Variants in REDIC1 observed in about 807,000 individuals in gnomAD.
REDIC1 encodes regulator of DNA class I crossover intermediates 1.
the REDIC1 span, among the ~76,000 whole-genome samples, chr12:39,697,278 A>G: frequency 3.3e-5 from 5 of 152,262 alleles, no homozygotes; most frequent in East Asian, 9.6e-4. Flanking sequence ...ATCTCCCTCA[A>G]ACATGAAGTA....
At chr12:39,700,481 G>T in the REDIC1 span, among the ~76,000 whole-genome samples, 3 of 152,126 alleles carry the variant, frequency 2.0e-5, no homozygotes, top group African/African-American at 7.2e-5. Flanking sequence ...GAAAGTGATG[G>T]GGAGAATGGA....
At chr12:39,888,105 T>G in the REDIC1 span, among the ~76,000 whole-genome samples, 2 of 152,254 alleles carry the variant, frequency 1.3e-5, no homozygotes, top group Non-Finnish European at 2.9e-5. Context: ...ATCCATGTGC[T>G]TCTGGAGAAG....
chr12:39,801,645 A>C, the REDIC1 span, among the ~76,000 whole-genome samples: 1 of 152,248 alleles, frequency 6.6e-6, no homozygotes, highest in African/African-American at 2.4e-5. Flanking sequence ...AGAAGTCAGC[A>C]GACTTATTTT....
the REDIC1 span, among the ~76,000 whole-genome samples, chr12:39,711,145 G>C: frequency 6.6e-6 from 1 of 150,936 alleles, no homozygotes; most frequent in Admixed American, 6.6e-5. Flanking sequence ...CATACGGTTT[G>C]GTTTCCCATT....
the REDIC1 span, among the ~76,000 whole-genome samples, chr12:39,678,301 G>C: frequency 6.6e-6 from 1 of 151,874 alleles, no homozygotes; most frequent in Non-Finnish European, 1.5e-5. Context: ...CAAGGCTACT[G>C]TGAACACCTT....
the REDIC1 span, among the ~76,000 whole-genome samples, chr12:39,670,792 T>C: frequency 1.3e-5 from 2 of 152,042 alleles, no homozygotes; most frequent in East Asian, 1.9e-4. Context: ...GAAAGACCTA[T>C]CTTTAAGTTC....
the REDIC1 span, among the ~76,000 whole-genome samples, chr12:39,717,330 A>G: frequency 6.6e-6 from 1 of 151,898 alleles, no homozygotes; most frequent in Non-Finnish European, 1.5e-5. Flanking sequence ...TGATTAACAC[A>G]TATTTTGTAT....
At chr12:39,838,370 T>C in the REDIC1 span, among the ~76,000 whole-genome samples, 3 of 136,052 alleles carry the variant, frequency 2.2e-5, no homozygotes, top group Non-Finnish European at 4.7e-5. Flanking sequence ...AGGGATAGCA[T>C]TGGGAGATAT....
chr12:39,687,943 ACT>A, the REDIC1 span, among the ~76,000 whole-genome samples: 1 of 152,182 alleles, frequency 6.6e-6, no homozygotes, highest in Admixed American at 6.6e-5. Flanking sequence ...TTGAGGTCAC[ACT>A]CTCAAGCCAA....
the REDIC1 span, among the ~76,000 whole-genome samples, chr12:39,889,916 A>G: frequency 6.6e-6 from 1 of 152,172 alleles, no homozygotes; most frequent in African/African-American, 2.4e-5. Context: ...TTTACTGAAA[A>G]TAAATATAAT....
At chr12:39,812,342 CTTT>C in the REDIC1 span, among the ~76,000 whole-genome samples, 3 of 42,968 alleles carry the variant, frequency 7.0e-5, no homozygotes, top group Non-Finnish European at 1.2e-4. Flanking sequence ...TTTCTTTTTT[CTTT>C]TCTTTTCTTT....
At chr12:39,732,159 T>C in the REDIC1 span, among the ~76,000 whole-genome samples, 2 of 152,238 alleles carry the variant, frequency 1.3e-5, no homozygotes, top group Non-Finnish European at 1.5e-5. Context: ...AAATCTGATA[T>C]GTCTTTTAGA....
chr12:39,821,391 CAGAGCA>C, the REDIC1 span, among the ~76,000 whole-genome samples: 4 of 151,790 alleles, frequency 2.6e-5, no homozygotes, highest in East Asian at 7.8e-4. Flanking sequence ...GCCTGGGTAA[CAGAGCA>C]AGACTCCGTC....
the REDIC1 span, among the ~76,000 whole-genome samples, chr12:39,748,689 T>C: frequency 1.3e-5 from 2 of 152,134 alleles, no homozygotes; most frequent in African/African-American, 4.8e-5. Flanking sequence ...CCTCAGCAAA[T>C]GTAAAAGAAC....
chr12:39,865,900 GA>G, the REDIC1 span, among the ~76,000 whole-genome samples: 1,131 of 152,314 alleles, frequency 7.4e-3, 9 homozygotes, highest in African/African-American at 0.026. Context: ...GGAGAAAGGA[GA>G]AGATGAAAAA....
the REDIC1 span, among the ~76,000 whole-genome samples, chr12:39,850,578 A>C: frequency 1.2e-4 from 19 of 152,316 alleles, no homozygotes; most frequent in African/African-American, 4.6e-4. Context: ...GTTAACAATA[A>C]TTGTATCTGT....
the REDIC1 span, among the ~76,000 whole-genome samples, chr12:39,898,552 C>A: frequency 6.6e-6 from 1 of 152,112 alleles, no homozygotes; most frequent in African/African-American, 2.4e-5. Context: ...AAACACCAGG[C>A]AAAATAGCTG....
chr12:39,713,757 A>T, the REDIC1 span, among the ~76,000 whole-genome samples: 1 of 149,454 alleles, frequency 6.7e-6, no homozygotes, highest in Non-Finnish European at 1.5e-5. Context: ...ATACATGTAT[A>T]CACGTATATA....
At chr12:39,863,878 G>C in the REDIC1 span, among the ~76,000 whole-genome samples, 1 of 152,162 alleles carries the variant, frequency 6.6e-6, no homozygotes, top group African/African-American at 2.4e-5. Flanking sequence ...GGAGTTTAGG[G>C]TATAATGTTT....
Sources: allele counts gnomAD v4.1 joint callset (sites outside exome capture counted in the v4.1 genomes callset), GRCh38; gene constraint gnomAD v4.1.1; transcripts MANE v1.5; gene names NCBI Gene and HGNC (gene_info 2026-07-23, HGNC 2026-07-21).